Variants in ALPK1 observed in about 807,000 individuals in gnomAD.
ALPK1 encodes alpha kinase 1.
ALPK1 carries 110 observed loss-of-function variants against 120.6 expected under a neutral mutation model. The observed-to-expected ratio is 0.91, with a 90% CI of 0.78 to 1.07. The LOEUF (loss-of-function observed/expected upper bound fraction) is 1.07, where lower values mean the gene tolerates loss of function less well. Among genes scored for constraint, ALPK1 ranks in the 50% least tolerant of loss-of-function variants. The probability of loss-of-function intolerance (pLI) is 0.00; values close to 1 mark genes in which losing one functional copy is unlikely to be tolerated. For synonymous variants in ALPK1, 582 were observed against 560.3 expected, an observed-to-expected ratio of 1.04 and a Z score of -0.55; for missense variants, 1,498 against 1,483.9, an observed-to-expected ratio of 1.01 and a Z score of -0.16.
intron 2 of ALPK1, among the ~76,000 whole-genome samples, chr4:112,366,803 C>T (rs1280076213): frequency 1.3e-5 from 2 of 152,158 alleles, no homozygotes; most frequent in African/African-American, 2.4e-5. Flanking sequence ...AGTCCAAATG[C>T]CCATCAATCA....
intron 11 of ALPK1, among the ~76,000 whole-genome samples, chr4:112,433,815 C>T (rs924527864): frequency 1.3e-5 from 2 of 152,204 alleles, no homozygotes; most frequent in Non-Finnish European, 2.9e-5. Flanking sequence ...GTTCTCAACC[C>T]TGGCGCCACA....
chr4:112,397,019 C>T (rs1327502898), intron 4 of ALPK1, among the ~76,000 whole-genome samples: 2 of 152,144 alleles, frequency 1.3e-5, no homozygotes, highest in African/African-American at 4.8e-5. Context: ...TCAGACAATC[C>T]TCCTTCCTTG....
At chr4:112,327,313 A>G (rs1027435380) in intron 2 of ALPK1, among the ~76,000 whole-genome samples, 14 of 152,328 alleles carry the variant, frequency 9.2e-5, no homozygotes, top group African/African-American at 3.4e-4. Flanking sequence ...AAGACTTCAT[A>G]AATTTGGCAT....
Position 112,430,697 on chromosome 4 carries a change from GA to G in ALPK1, c.1152del (p.Ala385GlnfsTer27). The G allele has an allele frequency of 6.2e-7, 1 of 1,614,212 alleles. No individual in the cohort carries two copies. Among genetic ancestry groups the G allele is most frequent in the Non-Finnish European group, 8.5e-7 (1 of 1,180,028 alleles). The stretch of plus-strand genomic sequence containing the variant: ...CCATGCAGCAAGTCAGCTCTGTAAG[GA>G]AGCAATGGGGAAGCTGTACAATTTC... ...TVHAASQLCK[E>X]AMGKLYNFST... On this transcript the variant is annotated frameshift_variant, in exon 11 of 16. Coordinates refer to ENST00000650871, the MANE Select transcript of ALPK1 (RefSeq NM_025144.4). LOFTEE classifies it high-confidence loss of function.
intron 2 of ALPK1, among the ~76,000 whole-genome samples, chr4:112,336,671 G>A (rs1729633808): frequency 6.6e-6 from 1 of 152,132 alleles, no homozygotes; most frequent in Non-Finnish European, 1.5e-5. Context: ...AGCTATGGAT[G>A]GGCAACAACA....
At chr4:112,354,474 T>C (rs949762692) in intron 2 of ALPK1, among the ~76,000 whole-genome samples, 3 of 152,238 alleles carry the variant, frequency 2.0e-5, no homozygotes, top group Non-Finnish European at 2.9e-5. Flanking sequence ...TTGTTTTTGT[T>C]TTTTGTTTTC....
Position 112,308,469 on chromosome 4 carries a change from A to C in ALPK1, c.-152-7332A>C, listed in dbSNP as rs541130595. Among the ~76,000 whole-genome samples, 5 of 151,852 alleles carry C rather than the reference A, an allele frequency of 3.3e-5. 1 individual carries two copies. The South Asian group carries it at 1.0e-3, about 32-fold the overall frequency. ...TTTCTTTCTACTCTTTTTTCTCTAA[A>C]CTTCTCTTTTCACTTCATTTCATTC... On this transcript the variant is annotated intron_variant, in intron 1 of 15. Coordinates refer to ENST00000650871, the MANE Select transcript of ALPK1 (RefSeq NM_025144.4).
At chr4:112,438,211 C>G (rs182504682) in intron 12 of ALPK1, among the ~76,000 whole-genome samples, 6 of 152,262 alleles carry the variant, frequency 3.9e-5, no homozygotes, top group Admixed American at 3.9e-4. Flanking sequence ...CCTTGTCTTA[C>G]CAGAGGTCTG....
chr4:112,329,617 G>T (rs893479735), intron 2 of ALPK1, among the ~76,000 whole-genome samples: 1 of 152,168 alleles, frequency 6.6e-6, no homozygotes, highest in East Asian at 1.9e-4. Flanking sequence ...GTTATCTAAG[G>T]GTTGATTTGG....
At chr4:112,348,311 G>C (rs1730184373) in intron 2 of ALPK1, among the ~76,000 whole-genome samples, 1 of 152,212 alleles carries the variant, frequency 6.6e-6, no homozygotes, top group South Asian at 2.1e-4. Flanking sequence ...AAGAAGGCCT[G>C]GTTTTCTAAA....
At chr4:112,321,082 A>G (rs1355687118) in intron 2 of ALPK1, among the ~76,000 whole-genome samples, 2 of 151,690 alleles carry the variant, frequency 1.3e-5, no homozygotes, top group Admixed American at 1.3e-4. Context: ...TATTTTCAGT[A>G]GAAATGGGGT....
chr4:112,380,478 A>G (rs1731852701), intron 3 of ALPK1, among the ~76,000 whole-genome samples: 1 of 152,164 alleles, frequency 6.6e-6, no homozygotes, highest in African/African-American at 2.4e-5. Flanking sequence ...ATTCATTGGC[A>G]TAGCCCATGT....
intron 1 of ALPK1, among the ~76,000 whole-genome samples, chr4:112,299,880 A>T (rs1338271046): frequency 6.6e-6 from 1 of 152,192 alleles, no homozygotes; most frequent in Admixed American, 6.5e-5. Context: ...CAGCTTGAAT[A>T]CTACAGGTTC....
intron 2 of ALPK1, among the ~76,000 whole-genome samples, chr4:112,318,672 T>C (rs1728738907): frequency 6.6e-6 from 1 of 152,262 alleles, no homozygotes; most frequent in South Asian, 2.1e-4. Flanking sequence ...GAGAGGAACA[T>C]TCATTCATTC....
rs578199912 is a variant in ALPK1, at chr4:112,366,569, T to A, written c.-100-11109T>A. On this transcript the variant is annotated intron_variant, in intron 2 of 15. Coordinates refer to ENST00000650871, the MANE Select transcript of ALPK1 (RefSeq NM_025144.4). Reference sequence around the variant, plus strand: ...AAAATAATAGATGTTGGCATGGATGTGGTGAAAAGGGAATAATTTTACACT... The same window carrying A: ...AAAATAATAGATGTTGGCATGGATGAGGTGAAAAGGGAATAATTTTACACT... 1.2e-4 allele frequency among the ~76,000 whole-genome samples: 19 copies of A among 152,194 alleles called. 1 individual carries two copies. Among genetic ancestry groups the A allele is most frequent in the Non-Finnish European group, 1.9e-4 (13 of 68,042 alleles).
intron 2 of ALPK1, among the ~76,000 whole-genome samples, chr4:112,331,697 G>C (rs1729376176): frequency 6.6e-6 from 1 of 152,244 alleles, no homozygotes. Flanking sequence ...CCATTACACT[G>C]TATATGTGGG....
chr4:112,357,892 C>T, intron 2 of ALPK1: 1 of 1,149,898 alleles, frequency 8.7e-7, no homozygotes, highest in Non-Finnish European at 1.3e-6. Flanking sequence ...GTTTGTGGAG[C>T]CCAGGAGCAA....
intron 1 of ALPK1, among the ~76,000 whole-genome samples, chr4:112,308,690 C>T (rs768906247): frequency 2.6e-5 from 4 of 152,062 alleles, no homozygotes; most frequent in Non-Finnish European, 4.4e-5. Flanking sequence ...GCAATGGGTT[C>T]GAACTTCCTC....
chr4:112,309,722 G>A, intron 1 of ALPK1, among the ~76,000 whole-genome samples: 1 of 152,064 alleles, frequency 6.6e-6, no homozygotes, highest in Non-Finnish European at 1.5e-5. Context: ...AACTTCAGTA[G>A]TGTCAAGTTA....
Sources: allele counts gnomAD v4.1 joint callset (sites outside exome capture counted in the v4.1 genomes callset), GRCh38; gene constraint gnomAD v4.1.1; transcripts MANE v1.5; gene names NCBI Gene and HGNC (gene_info 2026-07-23, HGNC 2026-07-21).